Variants in SPAG16 observed in about 807,000 individuals in gnomAD.
SPAG16 encodes the protein sperm associated antigen 16.
Under a neutral mutation model 80.4 loss-of-function variants are expected in SPAG16, and 86 were observed. The ratio of observed to expected loss-of-function variants is 1.07; its 90% CI spans 0.90 to 1.28. The LOEUF is 1.28. Among genes scored for constraint, SPAG16 ranks in the 50% most tolerant of loss-of-function variants. The pLI, the probability that SPAG16 is intolerant of heterozygous loss-of-function variation, is 0.00. For synonymous variants in SPAG16, 294 were observed against 265.9 expected, an observed-to-expected ratio of 1.11 and a Z score of -1.03; for missense variants, 870 against 765.3, an observed-to-expected ratio of 1.14 and a Z score of -1.61.
chr2:213,405,691 C>A (rs993492586), intron 9 of SPAG16, among the ~76,000 whole-genome samples: 1 of 152,144 alleles, frequency 6.6e-6, no homozygotes, highest in South Asian at 2.1e-4. Context: ...ATGAGGCCAA[C>A]TTTTTTAGCT....
intron 1 of SPAG16, among the ~76,000 whole-genome samples, chr2:213,293,074 G>C (rs1488984): frequency 6.6e-6 from 1 of 151,962 alleles, no homozygotes; most frequent in Non-Finnish European, 1.5e-5. Context: ...GGATCATAGG[G>C]CCAGTTTCCC....
chr2:213,929,000 C>CTTTT (rs59993057), intron 11 of SPAG16, among the ~76,000 whole-genome samples: 1 of 40,834 alleles, frequency 2.4e-5, no homozygotes, highest in Non-Finnish European at 4.1e-5. Flanking sequence ...CTTTTCTTTT[C>CTTTT]TTTTTTTTTT....
At chr2:214,151,257 G>T (rs2055960672) in intron 15 of SPAG16, among the ~76,000 whole-genome samples, 1 of 151,952 alleles carries the variant, frequency 6.6e-6, no homozygotes, top group African/African-American at 2.4e-5. Context: ...AAAAATTGAA[G>T]AAACTGGGGA....
chr2:213,847,982 C>G (rs1447493127), intron 10 of SPAG16, among the ~76,000 whole-genome samples: 1 of 152,114 alleles, frequency 6.6e-6, no homozygotes. Flanking sequence ...ACATTCAGCA[C>G]TGAAATAAGG....
intron 5 of SPAG16, among the ~76,000 whole-genome samples, chr2:213,335,463 A>G (rs1391237225): frequency 6.6e-6 from 1 of 152,226 alleles, no homozygotes; most frequent in East Asian, 1.9e-4. Context: ...TGTTTTTACA[A>G]CAGAGACATC....
intron 11 of SPAG16, among the ~76,000 whole-genome samples, chr2:213,890,837 A>G (rs13407282): frequency 0.59 from 90,025 of 151,570 alleles, 28,601 homozygotes; most frequent in South Asian, 0.85. Context: ...TTAAATTTTG[A>G]TGTGTTAAAG....
intron 13 of SPAG16, among the ~76,000 whole-genome samples, chr2:214,057,822 A>G (rs537370953): frequency 6.6e-6 from 1 of 152,290 alleles, no homozygotes; most frequent in African/African-American, 2.4e-5. Context: ...CAACTTCTAC[A>G]TCAGCACTGG....
intron 14 of SPAG16, among the ~76,000 whole-genome samples, chr2:214,132,863 C>T (rs903198804): frequency 5.3e-5 from 8 of 152,008 alleles, no homozygotes; most frequent in South Asian, 2.1e-4. Flanking sequence ...GAGGCCTAGG[C>T]GGGCGGATCA....
intron 11 of SPAG16, among the ~76,000 whole-genome samples, chr2:213,917,125 C>T (rs1033174522): frequency 3.3e-5 from 5 of 152,044 alleles, no homozygotes; most frequent in African/African-American, 1.2e-4. Flanking sequence ...CTATTCTGTT[C>T]CATTGGTCTG....
chr2:213,657,500 C>T (rs1186500094), intron 10 of SPAG16, among the ~76,000 whole-genome samples: 10 of 152,056 alleles, frequency 6.6e-5, no homozygotes, highest in Admixed American at 6.6e-4. Context: ...TGTGGTAAAT[C>T]AAATAAAGGA....
chr2:213,749,728 T>C (rs564210688), intron 10 of SPAG16, among the ~76,000 whole-genome samples: 1 of 152,320 alleles, frequency 6.6e-6, no homozygotes, highest in South Asian at 2.1e-4. Flanking sequence ...AGATATTCTT[T>C]TTATAAGTTT....
intron 1 of SPAG16, among the ~76,000 whole-genome samples, chr2:213,292,431 G>A (rs1196023103): frequency 6.6e-6 from 1 of 151,858 alleles, no homozygotes. Flanking sequence ...TTGGGAGGCC[G>A]AGGCGGGCGG....
chr2:214,199,081 T>G, intron 15 of SPAG16, among the ~76,000 whole-genome samples: 1 of 152,184 alleles, frequency 6.6e-6, no homozygotes, highest in Non-Finnish European at 1.5e-5. Flanking sequence ...TTGTTTCTTT[T>G]GCTGTGCGGA....
At chr2:213,498,489 A>G (rs944523900) in intron 10 of SPAG16, among the ~76,000 whole-genome samples, 2 of 152,172 alleles carry the variant, frequency 1.3e-5, no homozygotes, top group Non-Finnish European at 2.9e-5. Flanking sequence ...AGTCTAATAG[A>G]AAGTAATAAA....
rs1221634837 is a variant in SPAG16 at position 213,833,570 on chromosome 2, T to G, written c.1071-28915T>G. On this transcript the variant is annotated intron_variant, in intron 10 of 15. Coordinates refer to ENST00000331683, the MANE Select transcript of SPAG16 (RefSeq NM_024532.5). ...TATAATATATATAATATATATAATA[T>G]ATATATAATATATATATTATATATA... Among the ~76,000 whole-genome samples the G allele has an allele frequency of 8.7e-5, 2 of 22,898 alleles. 1 individual carries two copies. Among genetic ancestry groups the G allele is most frequent in the African/African-American group, 3.1e-4 (2 of 6,398 alleles). The allele number at this position is 22,898 out of a possible 152,430, so 15.0% of individuals were successfully genotyped here.
chr2:213,338,101 A>G (rs114019680), intron 5 of SPAG16, among the ~76,000 whole-genome samples: 2,613 of 152,312 alleles, frequency 0.017, 74 homozygotes, highest in African/African-American at 0.059. Flanking sequence ...CTAGAGTTTC[A>G]TATCTGGTCA....
chr2:213,397,881 A>G (rs1057465931), intron 9 of SPAG16, among the ~76,000 whole-genome samples: 4 of 152,080 alleles, frequency 2.6e-5, no homozygotes, highest in African/African-American at 9.7e-5. Flanking sequence ...TACATCTTCA[A>G]CTGAGATCTC....
chr2:213,665,081 C>T (rs1284480045), intron 10 of SPAG16, among the ~76,000 whole-genome samples: 1 of 152,038 alleles, frequency 6.6e-6, no homozygotes, highest in Non-Finnish European at 1.5e-5. Context: ...AATATTTTCC[C>T]TTGCACATTT....
chr2:214,151,967 T>C (rs1445210800), intron 15 of SPAG16, among the ~76,000 whole-genome samples: 1 of 152,206 alleles, frequency 6.6e-6, no homozygotes, highest in African/African-American at 2.4e-5. Flanking sequence ...TGTCTCTAGA[T>C]CAGTTTAATT....
Sources: gnomAD v4.1 joint callset for allele counts (sites outside exome capture counted in the v4.1 genomes callset) on GRCh38, gnomAD v4.1.1 for gene constraint, MANE v1.5 for transcripts, NCBI Gene and HGNC (gene_info 2026-07-23, HGNC 2026-07-21) for gene names.